Variants in GALNTL6 observed in about 807,000 individuals in gnomAD.
GALNTL6 encodes the protein polypeptide N-acetylgalactosaminyltransferase like 6, also known as polypeptide N-acetylgalactosaminyltransferase-like 6.
A neutral mutation model predicts 73.7 loss-of-function variants in GALNTL6; 46 were observed. That is an observed-to-expected ratio of 0.62 (90% confidence interval 0.49 to 0.80). The LOEUF is 0.80. GALNTL6 is among the 30% of genes least tolerant of loss of function. The probability of loss-of-function intolerance (pLI) is 0.00; values close to 1 mark genes in which losing one functional copy is unlikely to be tolerated. For missense variants in GALNTL6, 604 were observed against 755.0 expected, an observed-to-expected ratio of 0.80 and a Z score of 2.34; for synonymous variants, 259 against 263.7, an observed-to-expected ratio of 0.98 and a Z score of 0.17.
intron 2 of GALNTL6, 69 bp from the exon 3 acceptor site, chr4:172,229,587 G>T: frequency 1.2e-6 from 1 of 848,564 alleles, no homozygotes; most frequent in South Asian, 1.5e-5. Context: ...TTATGTGCCC[G>T]GCTGTGTTTA....
At chr4:172,966,028 C>A (rs868413602) in intron 10 of GALNTL6, among the ~76,000 whole-genome samples, 18 of 152,224 alleles carry the variant, frequency 1.2e-4, no homozygotes, top group Middle Eastern at 3.4e-3. Context: ...TAAAATTAAT[C>A]TTTGCCAAAA....
At chr4:172,354,484 C>A (rs1202569281) in intron 5 of GALNTL6, among the ~76,000 whole-genome samples, 1 of 151,870 alleles carries the variant, frequency 6.6e-6, no homozygotes, top group Non-Finnish European at 1.5e-5. Flanking sequence ...GCTCTGTTAA[C>A]AAATTGCTTT....
chr4:171,852,363 G>C (rs1488547426), intron 2 of GALNTL6, among the ~76,000 whole-genome samples: 2 of 151,958 alleles, frequency 1.3e-5, no homozygotes, highest in East Asian at 1.9e-4. Flanking sequence ...AAAATGTGTG[G>C]GGTGGTGGTG....
intron 5 of GALNTL6, among the ~76,000 whole-genome samples, chr4:172,570,632 G>C (rs780155605): frequency 9.2e-5 from 14 of 152,154 alleles, no homozygotes; most frequent in Non-Finnish European, 1.3e-4. Context: ...TATGGCACCA[G>C]GGAGGGGCCA....
intron 3 of GALNTL6, among the ~76,000 whole-genome samples, chr4:172,283,837 A>G (rs1364250217): frequency 6.6e-6 from 1 of 152,198 alleles, no homozygotes; most frequent in African/African-American, 2.4e-5. Flanking sequence ...ACATTTTATT[A>G]CAATATTTTA....
At chr4:172,941,539 G>A (rs1174146599) in intron 9 of GALNTL6, among the ~76,000 whole-genome samples, 2 of 152,130 alleles carry the variant, frequency 1.3e-5, no homozygotes, top group Non-Finnish European at 1.5e-5. Flanking sequence ...AAGCACTTGA[G>A]AAACAAACTA....
At position 172,857,045 on chromosome 4, in the gene GALNTL6, G is replaced by A. The variant is rs1044892144; in HGVS notation, c.924-25745G>A. Reference sequence around the variant, plus strand: ...CCACTGTTTCACAACCTAATTACAGGATTTTCTGGAAATTGCTGTCCAGCA... The same window carrying A: ...CCACTGTTTCACAACCTAATTACAGAATTTTCTGGAAATTGCTGTCCAGCA... On this transcript the variant is annotated intron_variant, in intron 7 of 12. Coordinates refer to ENST00000506823, the MANE Select transcript of GALNTL6 (RefSeq NM_001034845.3). Among the ~76,000 whole-genome samples the A allele has an allele frequency of 3.3e-5, 5 of 152,158 alleles. No homozygotes were observed. In the East Asian group the frequency reaches 9.6e-4, roughly 29 times the overall value.
At chr4:172,181,858 G>C (rs1327044112) in intron 2 of GALNTL6, among the ~76,000 whole-genome samples, 3 of 151,704 alleles carry the variant, frequency 2.0e-5, no homozygotes, top group Non-Finnish European at 4.4e-5. Flanking sequence ...TGGGACTACA[G>C]GCACCCACCA....
At chr4:172,283,815 T>C (rs1739151861) in intron 3 of GALNTL6, among the ~76,000 whole-genome samples, 1 of 152,182 alleles carries the variant, frequency 6.6e-6, no homozygotes, top group South Asian at 2.1e-4. Flanking sequence ...ATGTTAGCTT[T>C]TCACCTATTA....
chr4:172,370,913 T>C (rs1742783962), intron 5 of GALNTL6, among the ~76,000 whole-genome samples: 1 of 152,198 alleles, frequency 6.6e-6, no homozygotes, highest in Non-Finnish European at 1.5e-5. Context: ...TGAGAGTGTG[T>C]GGTAGTAGGA....
At chr4:172,188,568 A>G (rs1735482275) in intron 2 of GALNTL6, among the ~76,000 whole-genome samples, 1 of 152,220 alleles carries the variant, frequency 6.6e-6, no homozygotes, top group Admixed American at 6.5e-5. Flanking sequence ...TTGCTAACAG[A>G]AAACATAAAT....
intron 5 of GALNTL6, among the ~76,000 whole-genome samples, chr4:172,454,075 G>A (rs1379565139): frequency 6.6e-6 from 1 of 152,158 alleles, no homozygotes; most frequent in African/African-American, 2.4e-5. Flanking sequence ...CATTTATAAT[G>A]TTTCAGTGGA....
chr4:172,606,642 T>A (rs1236153593), intron 5 of GALNTL6, among the ~76,000 whole-genome samples: 3 of 34,872 alleles, frequency 8.6e-5, no homozygotes, highest in African/African-American at 2.0e-4. Flanking sequence ...ATATATATAC[T>A]ATATATATAG....
intron 2 of GALNTL6, among the ~76,000 whole-genome samples, chr4:171,907,404 A>G (rs1737325160): frequency 6.6e-6 from 1 of 152,090 alleles, no homozygotes; most frequent in Admixed American, 6.6e-5. Flanking sequence ...ATTGCTTCAA[A>G]GAGAATAAAA....
intron 5 of GALNTL6, among the ~76,000 whole-genome samples, chr4:172,412,283 C>A (rs1467515135): frequency 6.6e-6 from 1 of 152,142 alleles, no homozygotes; most frequent in South Asian, 2.1e-4. Flanking sequence ...CTCAAGCCAT[C>A]CACTCACCTT....
intron 5 of GALNTL6, among the ~76,000 whole-genome samples, chr4:172,464,074 A>AT (rs1474376544): frequency 1.3e-5 from 2 of 151,554 alleles, no homozygotes; most frequent in African/African-American, 2.4e-5. Context: ...CTTTTATGGC[A>AT]TTTTTTATAT....
In GALNTL6 at chr4:172,130,470, T is replaced by C. The variant is rs145988595; in HGVS notation, c.139-99186T>C. Among the ~76,000 whole-genome samples, 224 of 152,154 alleles carry C rather than the reference T, an allele frequency of 1.5e-3. 1 individual carries two copies. Among genetic ancestry groups the C allele is most frequent in the African/African-American group, 5.2e-3 (218 of 41,570 alleles). ...ACTGAAAAAAATTGTAAGTGCTAAG[T>C]ATACAAAAAAATTATATATAGAAGC... On this transcript the variant is annotated intron_variant, in intron 2 of 12. Coordinates refer to ENST00000506823, the MANE Select transcript of GALNTL6 (RefSeq NM_001034845.3).
intron 5 of GALNTL6, among the ~76,000 whole-genome samples, chr4:172,393,357 G>T (rs1579029347): frequency 6.6e-6 from 1 of 152,200 alleles, no homozygotes; most frequent in Admixed American, 6.5e-5. Context: ...TGCCTCCTCT[G>T]CTTCTTTTTC....
intron 5 of GALNTL6, among the ~76,000 whole-genome samples, chr4:172,692,252 T>C (rs1252461611): frequency 2.0e-5 from 3 of 152,154 alleles, no homozygotes; most frequent in Non-Finnish European, 4.4e-5. Context: ...TATTTCACAA[T>C]TGTGTGACAT....
Sources: allele counts gnomAD v4.1 joint callset (sites outside exome capture counted in the v4.1 genomes callset), GRCh38; gene constraint gnomAD v4.1.1; transcripts MANE v1.5; gene names NCBI Gene and HGNC (gene_info 2026-07-23, HGNC 2026-07-21).